The following SCRG1 variants were observed in gnomAD, a reference collection of about 807,000 sequenced individuals.
SCRG1 encodes stimulator of chondrogenesis 1.
A neutral mutation model predicts 7.7 loss-of-function variants in SCRG1; 3 were observed. The ratio of observed to expected loss-of-function variants is 0.39; its 90% confidence interval spans 0.18 to 1.01. The LOEUF (loss-of-function observed/expected upper bound fraction) is 1.01. SCRG1 is among the 50% of genes least tolerant of loss of function. The probability of loss-of-function intolerance (pLI) is 0.36; values close to 1 mark genes in which losing one functional copy is unlikely to be tolerated. For missense variants in SCRG1, 110 were observed against 117.2 expected (o/e 0.94, Z 0.28); for synonymous variants, 46 against 41.2 (o/e 1.12, Z -0.44).
chr4:173,463,162 T>C, the SCRG1 span, among the ~76,000 whole-genome samples: 1 of 152,224 alleles, frequency 6.6e-6, no homozygotes. Flanking sequence ...GGCTCTACAC[T>C]GCCCTGTGGA....
chr4:173,412,420 T>G, the SCRG1 span, among the ~76,000 whole-genome samples: 1 of 152,216 alleles, frequency 6.6e-6, no homozygotes, highest in South Asian at 2.1e-4. Flanking sequence ...GTTTCTCACC[T>G]CAATAAAATG....
chr4:173,458,934 G>C, the SCRG1 span, among the ~76,000 whole-genome samples: 1 of 152,010 alleles, frequency 6.6e-6, no homozygotes, highest in South Asian at 2.1e-4. Flanking sequence ...TGCACAGACA[G>C]AAACAAAAAA....
the SCRG1 span, among the ~76,000 whole-genome samples, chr4:173,482,560 G>A: frequency 6.6e-6 from 1 of 152,110 alleles, no homozygotes; most frequent in South Asian, 2.1e-4. Context: ...GCTCATGTCT[G>A]TAATCCTAGA....
chr4:173,416,900 A>G, the SCRG1 span, among the ~76,000 whole-genome samples: 1 of 133,368 alleles, frequency 7.5e-6, no homozygotes, highest in Non-Finnish European at 1.6e-5. Context: ...ACATCATCAC[A>G]CACACACCCA....
chr4:173,452,622 C>T, the SCRG1 span, among the ~76,000 whole-genome samples: 2 of 152,140 alleles, frequency 1.3e-5, no homozygotes, highest in Non-Finnish European at 2.9e-5. Context: ...GATTTTGTTC[C>T]CTGTGCTCCT....
chr4:173,498,515 A>G, the SCRG1 span, among the ~76,000 whole-genome samples: 1 of 152,198 alleles, frequency 6.6e-6, no homozygotes, highest in Non-Finnish European at 1.5e-5. Flanking sequence ...AAGGGGCTGA[A>G]ACATCTCTAA....
the SCRG1 span, among the ~76,000 whole-genome samples, chr4:173,413,310 G>T: frequency 6.6e-6 from 1 of 152,174 alleles, no homozygotes; most frequent in African/African-American, 2.4e-5. Context: ...AGGATAGGCA[G>T]GGCAGTTTAT....
chr4:173,517,175 A>G, the SCRG1 span, among the ~76,000 whole-genome samples: 1 of 151,842 alleles, frequency 6.6e-6, no homozygotes, highest in South Asian at 2.1e-4. Context: ...CGGGGTCACA[A>G]TTACACCTCG....
chr4:173,416,649 G>T, the SCRG1 span, among the ~76,000 whole-genome samples: 1 of 152,130 alleles, frequency 6.6e-6, no homozygotes, highest in Admixed American at 6.5e-5. Context: ...TATTTTAATT[G>T]TAAAAGTTTG....
At chr4:173,468,598 C>T in the SCRG1 span, 2 of 152,196 alleles carry the variant, frequency 1.3e-5, no homozygotes, top group Non-Finnish European at 2.9e-5. Context: ...AGGCTAGGCT[C>T]TCTACCCTAT....
At chr4:173,407,918 A>C (rs1739947587), upstream of SCRG1, among the ~76,000 whole-genome samples, 1 of 152,358 alleles carries the variant, frequency 6.6e-6, no homozygotes, top group Admixed American at 6.5e-5. Flanking sequence ...TAAATTTGCT[A>C]TAAAATTGTT....
the SCRG1 span, among the ~76,000 whole-genome samples, chr4:173,498,738 A>ATG: frequency 3.9e-3 from 596 of 151,958 alleles, 2 homozygotes; most frequent in East Asian, 0.027. Context: ...ATGTATGTAT[A>ATG]TGTGTGTGTG....
the SCRG1 span, among the ~76,000 whole-genome samples, chr4:173,434,767 G>T: frequency 1.3e-5 from 2 of 152,182 alleles, no homozygotes; most frequent in African/African-American, 2.4e-5. Flanking sequence ...GGAGGCGGAG[G>T]TTGCAGTGAG....
the SCRG1 span, among the ~76,000 whole-genome samples, chr4:173,460,415 C>T: frequency 6.6e-6 from 1 of 152,204 alleles, no homozygotes; most frequent in African/African-American, 2.4e-5. Context: ...CTTCTCCTTT[C>T]ACTTGAGGAG....
chr4:173,485,029 T>A, the SCRG1 span, among the ~76,000 whole-genome samples: 2,525 of 15,562 alleles, frequency 0.16, 254 homozygotes, highest in Middle Eastern at 0.43. Flanking sequence ...ATATAATATA[T>A]TATATATTAT....
the SCRG1 span, among the ~76,000 whole-genome samples, chr4:173,464,874 C>T: frequency 6.6e-6 from 1 of 152,276 alleles, no homozygotes; most frequent in Non-Finnish European, 1.5e-5. Flanking sequence ...ATAAACAAAA[C>T]ATGGTATGTA....
At chr4:173,459,423 A>C in the SCRG1 span, among the ~76,000 whole-genome samples, 4 of 152,258 alleles carry the variant, frequency 2.6e-5, no homozygotes, top group African/African-American at 9.6e-5. Context: ...TTTTCTGAGC[A>C]CAATGGAATA....
upstream of SCRG1, among the ~76,000 whole-genome samples, chr4:173,401,778 C>G (rs1015806780): frequency 1.3e-5 from 2 of 152,098 alleles, no homozygotes; most frequent in Non-Finnish European, 2.9e-5. Context: ...CCTCCAAATC[C>G]CTTGTGTTTT....
At chr4:173,424,284 G>A in the SCRG1 span, among the ~76,000 whole-genome samples, 1 of 151,972 alleles carries the variant, frequency 6.6e-6, no homozygotes, top group Non-Finnish European at 1.5e-5. Context: ...TAGCTATTTG[G>A]TTTACTCTAA....
Sources: gnomAD v4.1 joint callset for allele counts (sites outside exome capture counted in the v4.1 genomes callset) on GRCh38, gnomAD v4.1.1 for gene constraint, MANE v1.5 for transcripts, NCBI Gene and HGNC (gene_info 2026-07-23, HGNC 2026-07-21) for gene names.